The following CHORDC1 variants were observed in gnomAD, a reference collection of about 807,000 sequenced individuals.
The protein encoded by CHORDC1 is cysteine and histidine-rich domain-containing protein 1.
Under a neutral mutation model 48.3 loss-of-function variants are expected in CHORDC1, and 25 were observed. That is an observed-to-expected ratio of 0.52 (90% CI 0.38 to 0.72). The LOEUF (loss-of-function observed/expected upper bound fraction) is 0.72. CHORDC1 is among the 30% of genes least tolerant of loss of function. The probability of loss-of-function intolerance (pLI) is 0.00; values close to 1 mark genes in which losing one functional copy is unlikely to be tolerated. For missense variants in CHORDC1, 317 were observed against 388.7 expected (o/e 0.82, Z 1.55); for synonymous variants, 128 against 126.4 (o/e 1.01, Z -0.09).
chr11:90,214,266 T>A (rs929010681), intron 3 of CHORDC1, 91 bp from the exon 4 acceptor site: 2 of 991,592 alleles, frequency 2.0e-6, no homozygotes, highest in Non-Finnish European at 2.8e-6. Flanking sequence ...ATAGTGATTC[T>A]ATTTCATGTT....
intron 4 of CHORDC1, chr11:90,211,760 T>C (rs1449768106): frequency 6.4e-6 from 1 of 155,314 alleles, no homozygotes; most frequent in African/African-American, 2.4e-5. Context: ...AGATAATTTA[T>C]GTGGACACTG....
chr11:90,208,304 C>CG (rs1857762399), intron 6 of CHORDC1: 2 of 152,002 alleles, frequency 1.3e-5, no homozygotes, highest in South Asian at 4.2e-4. Flanking sequence ...GTGGTGGGCA[C>CG]CTGTAAACCC....
intron 4 of CHORDC1, chr11:90,211,887 C>T (rs1857872595): frequency 7.2e-6 from 1 of 138,552 alleles, no homozygotes; most frequent in South Asian, 2.4e-4. Flanking sequence ...TAATTTAAGT[C>T]CACTCAATAA....
chr11:90,215,166 G>A lies in CHORDC1; in HGVS notation c.171+8C>T. The A allele has an allele frequency of 6.9e-7, 1 of 1,453,270 alleles. No individual in the cohort carries two copies. Among genetic ancestry groups the A allele is most frequent in the Non-Finnish European group, 9.4e-7 (1 of 1,061,302 alleles). The allele number at this position is 1,453,270 out of a possible 1,614,324, so 90.0% of individuals were successfully genotyped here. A position where few individuals can be genotyped will look rare whatever the true frequency, so the allele number is the denominator to read the frequency against. On this transcript the variant is annotated splice_region_variant and intron_variant, in intron 3 of 10. Coordinates refer to ENST00000320585, the MANE Select transcript of CHORDC1 (RefSeq NM_012124.3). ...GAAGATAATCTAGAAAAAATAATTAGTACTTACTACAATGCTTAAGAAATC... is the reference window on the plus strand; with the variant it reads ...GAAGATAATCTAGAAAAAATAATTAATACTTACTACAATGCTTAAGAAATC...
chr11:90,205,914 A>G (rs1857668093), intron 7 of CHORDC1: 4 of 470,668 alleles, frequency 8.5e-6, no homozygotes, highest in South Asian at 2.5e-5. Flanking sequence ...CAGTCCTTCA[A>G]ACAAAACATT....
chr11:90,206,351 C>T, intron 6 of CHORDC1, 79 bp from the exon 7 acceptor site: 1 of 788,552 alleles, frequency 1.3e-6, no homozygotes, highest in South Asian at 1.5e-5. Context: ...GTATTGGTGA[C>T]CTCTACGAAC....
chr11:90,210,682 A>T, intron 5 of CHORDC1, 88 bp from the exon 6 acceptor site: 1 of 823,762 alleles, frequency 1.2e-6, no homozygotes, highest in Non-Finnish European at 2.0e-6. Flanking sequence ...TTTCCAGAAA[A>T]CAATACTTTT....
chr11:90,203,396 C>T lies in CHORDC1; in HGVS notation c.701G>A (p.Trp234Ter). 6.3e-7 allele frequency: 1 copy of T among 1,593,124 alleles called. No individual in the cohort carries two copies. The highest frequency in any genetic ancestry group is 8.6e-7 in the Non-Finnish European group (1 of 1,165,760). The change falls in exon 9 of 11, where the codon TGG becomes TAG. Residue 234 changes from tryptophan to a stop codon, truncating the protein, a stop_gained. Transcript: ENST00000320585. LOFTEE classifies it high-confidence loss of function. ...GKKVVPCRHDWHQTGGEVTIS... is the reference protein window; with the variant it reads ...GKKVVPCRHD ...GGTAACTTCACCTCCAGTCTGATGC[C>T]AGTCATGTCTACATGGAACAACTTT... is the stretch of plus-strand genomic sequence containing the variant.
chr11:90,209,812 C>T lies in CHORDC1; in HGVS notation c.492+724G>A, dbSNP rs374702469. 2.0e-5 allele frequency among the ~76,000 whole-genome samples: 3 copies of T among 152,184 alleles called. No individual in the cohort carries two copies. The East Asian group carries it at 5.8e-4, about 29-fold the overall frequency. The stretch of plus-strand genomic sequence containing the variant: ...TGGTTTCTCTTCTTCCAATTCCACT[C>T]CTGCTGCATCACCATGTATTTACCA... On this transcript the variant is annotated intron_variant, in intron 6 of 10. Transcript: ENST00000320585.
intron 7 of CHORDC1, 191 bp from the exon 8 acceptor site, chr11:90,205,756 T>G (rs867957077): frequency 1.8e-6 from 1 of 561,144 alleles, no homozygotes; most frequent in Middle Eastern, 3.0e-4. Flanking sequence ...TGGAAGATTT[T>G]TACACAGTGC....
chr11:90,215,304 G>T, intron 2 of CHORDC1, 74 bp from the exon 3 acceptor site: 2 of 955,282 alleles, frequency 2.1e-6, no homozygotes, highest in Non-Finnish European at 1.6e-6. Context: ...CACTCTACTT[G>T]CACTTATCTA....
chr11:90,202,750 C>A, intron 10 of CHORDC1, 63 bp downstream of exon 10: 4 of 1,510,404 alleles, frequency 2.6e-6, no homozygotes, highest in South Asian at 2.4e-5. Context: ...GAAGAATTGT[C>A]TTTTATTCTA....
chr11:90,221,064 C>T (rs572238254), intron 1 of CHORDC1, among the ~76,000 whole-genome samples: 3 of 151,916 alleles, frequency 2.0e-5, no homozygotes, highest in Admixed American at 1.3e-4. Context: ...TATAAGTCAA[C>T]GAGCACGGTA....
chr11:90,211,179 G>A, intron 5 of CHORDC1, 36 bp downstream of exon 5: 3 of 1,390,346 alleles, frequency 2.2e-6, no homozygotes, highest in Non-Finnish European at 3.0e-6. Context: ...AACTGTACCA[G>A]AAAATAATTA....
At chr11:90,204,747 A>T (rs970115966) in intron 8 of CHORDC1, among the ~76,000 whole-genome samples, 4 of 152,158 alleles carry the variant, frequency 2.6e-5, no homozygotes, top group African/African-American at 7.2e-5. Context: ...CAACTACAGA[A>T]GACTAAAATA....
chr11:90,210,709 C>G, intron 5 of CHORDC1, 115 bp from the exon 6 acceptor site: 1 of 665,218 alleles, frequency 1.5e-6, no homozygotes, highest in Non-Finnish European at 2.6e-6. Context: ...ACGACTGTGA[C>G]TAGGATTTGC....
intron 6 of CHORDC1, chr11:90,206,765 G>A (rs1394000654): frequency 7.8e-7 from 1 of 1,286,806 alleles, no homozygotes; most frequent in Admixed American, 2.3e-5. Flanking sequence ...TATATCCAGG[G>A]TTTGTCTGGA....
At chr11:90,219,138 T>C (rs1462001302) in intron 1 of CHORDC1, among the ~76,000 whole-genome samples, 1 of 152,022 alleles carries the variant, frequency 6.6e-6, no homozygotes, top group African/African-American at 2.4e-5. Flanking sequence ...TGGTAGTGCA[T>C]GCCTGTAGTC....
At position 90,201,345 on chromosome 11, in the gene CHORDC1, G is replaced by A. The variant is rs2135021569; in HGVS notation, c.*1060C>T. The A allele has an allele frequency of 6.6e-6, 1 of 151,220 alleles. No homozygotes were observed. Among genetic ancestry groups the A allele is most frequent in the South Asian group, 2.1e-4 (1 of 4,788 alleles). 9.4% of individuals were successfully genotyped at this position (151,220 alleles called of 1,614,324 possible). On this transcript the variant is annotated 3_prime_UTR_variant, in exon 11 of 11. Transcript: ENST00000320585. ...GCACTAACTCAAAACCTATCCAAAC[G>A]ATCTAATTCTGTATTACCTATATTT...
Sources: allele counts gnomAD v4.1 joint callset (sites outside exome capture counted in the v4.1 genomes callset), GRCh38; gene constraint gnomAD v4.1.1; transcripts MANE v1.5; gene names NCBI Gene and HGNC (gene_info 2026-07-23, HGNC 2026-07-21).